PRKN: variants seen among roughly 807,000 people sequenced by gnomAD.
PRKN encodes the protein E3 ubiquitin-protein ligase parkin.
A neutral mutation model predicts 59.5 loss-of-function variants in PRKN; 56 were observed. The ratio of observed to expected loss-of-function variants is 0.94; its 90% CI spans 0.76 to 1.18. PRKN has a LOEUF of 1.18. Among genes scored for constraint, PRKN ranks in the 50% most tolerant of loss-of-function variants. The pLI, the probability that PRKN is intolerant of heterozygous loss-of-function variation, is 0.00. For synonymous variants in PRKN, 250 were observed against 222.1 expected, an observed-to-expected ratio of 1.13 and a Z score of -1.12; for missense variants, 657 against 596.4, an observed-to-expected ratio of 1.10 and a Z score of -1.06.
chr6:162,253,838 T>C (rs1430277974), intron 3 of PRKN, among the ~76,000 whole-genome samples: 4 of 149,704 alleles, frequency 2.7e-5, no homozygotes, highest in Non-Finnish European at 5.9e-5. Context: ...CAAAAATCTT[T>C]TATTGGTATA....
At chr6:161,960,142 G>A (rs1174547961) in intron 6 of PRKN, among the ~76,000 whole-genome samples, 2 of 152,154 alleles carry the variant, frequency 1.3e-5, no homozygotes, top group Admixed American at 6.6e-5. Context: ...CCGCTTTGGT[G>A]CCACCACACT....
chr6:162,387,234 CAAAAAA>C (rs34452454), intron 2 of PRKN, among the ~76,000 whole-genome samples: 9 of 101,210 alleles, frequency 8.9e-5, no homozygotes, highest in South Asian at 3.1e-4. Context: ...AAAAAATAAG[CAAAAAA>C]AAAAAAAAAA....
intron 9 of PRKN, among the ~76,000 whole-genome samples, chr6:161,478,752 G>GA (rs1791247927): frequency 6.6e-6 from 1 of 152,180 alleles, no homozygotes; most frequent in Non-Finnish European, 1.5e-5. Flanking sequence ...AGGCTGAGGT[G>GA]GGACGATCAC....
At position 162,143,847 on chromosome 6, in the gene PRKN, C is replaced by A. The variant is rs184926488; in HGVS notation, c.534+57284G>T. Among the ~76,000 whole-genome samples, 239 of 152,158 alleles carry A rather than the reference C, an allele frequency of 1.6e-3. 2 individuals carry two copies. Among genetic ancestry groups the A allele is most frequent in the African/African-American group, 5.4e-3 (226 of 41,500 alleles). On this transcript the variant is annotated intron_variant, in intron 4 of 11. Coordinates refer to ENST00000366898, the MANE Select transcript of PRKN (RefSeq NM_004562.3). ...ACAGGAGTGAAGCGACGGGCTGCAG[C>A]CATTCCAGGCACAGAGAACTCATGG...
At chr6:161,897,724 G>C (rs1377542646) in intron 6 of PRKN, among the ~76,000 whole-genome samples, 5 of 150,672 alleles carry the variant, frequency 3.3e-5, no homozygotes, top group Non-Finnish European at 5.9e-5. Context: ...GCTCACGCCT[G>C]TAATCCCAGC....
chr6:162,012,289 T>G (rs544029536), intron 5 of PRKN, among the ~76,000 whole-genome samples: 1 of 152,244 alleles, frequency 6.6e-6, no homozygotes, highest in East Asian at 1.9e-4. Flanking sequence ...ATACTGGTAT[T>G]TTTTTCACGT....
intron 1 of PRKN, among the ~76,000 whole-genome samples, chr6:162,607,903 A>G (rs1384874696): frequency 1.3e-5 from 2 of 152,178 alleles, no homozygotes; most frequent in African/African-American, 4.8e-5. Context: ...AAGACTGGGA[A>G]GAAAAGCTGA....
At chr6:162,518,375 T>C (rs1299047205) in intron 1 of PRKN, among the ~76,000 whole-genome samples, 3 of 152,196 alleles carry the variant, frequency 2.0e-5, no homozygotes, top group East Asian at 1.9e-4. Context: ...TATTTATTGA[T>C]ATATTTTTTG....
chr6:162,396,264 T>C (rs1474400946), intron 2 of PRKN, among the ~76,000 whole-genome samples: 1 of 152,186 alleles, frequency 6.6e-6, no homozygotes, highest in East Asian at 1.9e-4. Flanking sequence ...AAGTGGATTG[T>C]CATTTTAGGA....
intron 4 of PRKN, among the ~76,000 whole-genome samples, chr6:162,158,498 C>T (rs1782622285): frequency 6.6e-6 from 1 of 150,446 alleles, no homozygotes; most frequent in African/African-American, 2.5e-5. Context: ...GCGGCACAAA[C>T]TTGGCTCACT....
At chr6:162,088,108 G>C (rs930092389) in intron 4 of PRKN, among the ~76,000 whole-genome samples, 3 of 152,034 alleles carry the variant, frequency 2.0e-5, no homozygotes, top group African/African-American at 7.3e-5. Context: ...CTTTAGAGAG[G>C]GCACAATATT....
chr6:162,698,267 G>A (rs975719463), intron 1 of PRKN, among the ~76,000 whole-genome samples: 1 of 149,870 alleles, frequency 6.7e-6, no homozygotes, highest in Non-Finnish European at 1.5e-5. Context: ...ACTGAGGGTG[G>A]CAATGTGCCT....
intron 1 of PRKN, among the ~76,000 whole-genome samples, chr6:162,618,825 T>C (rs1174431354): frequency 6.6e-6 from 1 of 152,184 alleles, no homozygotes; most frequent in East Asian, 1.9e-4. Context: ...ATTACATGTG[T>C]AGAGAAAAAC....
At chr6:162,684,814 T>C (rs1188295396) in intron 1 of PRKN, among the ~76,000 whole-genome samples, 1 of 152,110 alleles carries the variant, frequency 6.6e-6, no homozygotes, top group African/African-American at 2.4e-5. Flanking sequence ...AGCCTCCCTT[T>C]AAATATATTT....
intron 7 of PRKN, among the ~76,000 whole-genome samples, chr6:161,655,016 C>T (rs1162976700): frequency 3.3e-5 from 5 of 152,186 alleles, no homozygotes; most frequent in East Asian, 3.9e-4. Flanking sequence ...CAGAGCCAGA[C>T]GAGGTGTCAG....
At chr6:162,609,955 G>A (rs969954532) in intron 1 of PRKN, among the ~76,000 whole-genome samples, 4 of 152,234 alleles carry the variant, frequency 2.6e-5, no homozygotes, top group East Asian at 1.9e-4. Context: ...ACATGGATAC[G>A]TTTTGGAACA....
At chr6:162,083,697 A>G (rs1314789569) in intron 4 of PRKN, among the ~76,000 whole-genome samples, 1 of 111,136 alleles carries the variant, frequency 9.0e-6, no homozygotes, top group Admixed American at 9.4e-5. Flanking sequence ...AATTAAAAAT[A>G]GTCACAATCC....
At chr6:161,732,310 C>G (rs1390049414) in intron 7 of PRKN, among the ~76,000 whole-genome samples, 3 of 152,104 alleles carry the variant, frequency 2.0e-5, no homozygotes, top group African/African-American at 4.8e-5. Flanking sequence ...TGGTCTTAAA[C>G]TCCTGACCTC....
Position 161,545,325 on chromosome 6 carries a change from G to T in PRKN, c.1083+3529C>A. 1 of 1,588,058 alleles carries T rather than the reference G, an allele frequency of 6.3e-7. No individual in the cohort carries two copies. The highest frequency in any genetic ancestry group is 8.6e-7 in the Non-Finnish European group (1 of 1,166,702). The stretch of plus-strand genomic sequence containing the variant: ...ACGTCTAGGGCTTTTTCCACATCTG[G>T]AACTCTGTAATTCTTCTATAGCTTT... On this transcript the variant is annotated intron_variant, in intron 9 of 11. Transcript: ENST00000366898. This position sits in a 1 kb window ranked among gnomAD's most constrained non-coding sequence, Gnocchi z 4.1.
Sources: allele counts gnomAD v4.1 joint callset (sites outside exome capture counted in the v4.1 genomes callset), GRCh38; gene constraint gnomAD v4.1.1; non-coding constraint Gnocchi (gnomAD v3.1); transcripts MANE v1.5; gene names NCBI Gene and HGNC (gene_info 2026-07-23, HGNC 2026-07-21).